NTRK3: variants seen among roughly 807,000 people sequenced by gnomAD.
NTRK3 encodes the protein neurotrophic receptor tyrosine kinase 3, also known as NT-3 growth factor receptor.
A neutral mutation model predicts 91.7 loss-of-function variants in NTRK3; 24 were observed. That is an observed-to-expected ratio of 0.26 (90% CI 0.19 to 0.37). NTRK3 has a LOEUF of 0.37. NTRK3 is among the 10% of genes least tolerant of loss of function. The pLI, the probability that NTRK3 is intolerant of heterozygous loss-of-function variation, is 1.00. For synonymous variants in NTRK3, 483 were observed against 404.0 expected (o/e 1.20, Z -2.34); for missense variants, 880 against 1,068.9 (o/e 0.82, Z 2.46).
chr15:88,101,030 C>A (rs963284736), intron 13 of NTRK3, among the ~76,000 whole-genome samples: 8 of 152,158 alleles, frequency 5.3e-5, no homozygotes, highest in African/African-American at 1.7e-4. Context: ...TCTAATTAAA[C>A]TAAAGAGCTG....
chr15:88,088,456 G>A (rs2048709553), intron 13 of NTRK3, among the ~76,000 whole-genome samples: 1 of 152,170 alleles, frequency 6.6e-6, no homozygotes, highest in South Asian at 2.1e-4. Flanking sequence ...GAGCAACAAG[G>A]AGCATGGGAA....
At chr15:87,912,932 AT>A (rs1372553466) in intron 17 of NTRK3, among the ~76,000 whole-genome samples, 401 of 7,316 alleles carry the variant, frequency 0.055, 11 homozygotes, top group Admixed American at 0.15. Context: ...GTAAAAAAAA[AT>A]ATATATATAT....
chr15:87,999,819 G>A (rs943814873), intron 14 of NTRK3, among the ~76,000 whole-genome samples: 1 of 152,150 alleles, frequency 6.6e-6, no homozygotes, highest in African/African-American at 2.4e-5. Context: ...CAAAGAGGGA[G>A]GGAGGAGGTA....
intron 13 of NTRK3, among the ~76,000 whole-genome samples, chr15:88,111,453 A>G (rs1409184679): frequency 6.6e-6 from 1 of 152,162 alleles, no homozygotes; most frequent in Non-Finnish European, 1.5e-5. Flanking sequence ...GCAGCTTATT[A>G]ACTGATAAGA....
chr15:87,904,902 C>T (rs986596692), intron 17 of NTRK3, among the ~76,000 whole-genome samples: 1 of 152,130 alleles, frequency 6.6e-6, no homozygotes. Flanking sequence ...TTTGTTTCTA[C>T]CAGAGGGAGA....
chr15:87,865,334 C>A (rs2064638060), exon 19 of NTRK3: 1 of 210,318 alleles, frequency 4.8e-6, no homozygotes, highest in Non-Finnish European at 9.7e-6. Flanking sequence ...TCACAAACAC[C>A]TGGGATTTTT....
chr15:87,920,782 G>A (rs1249192319), intron 17 of NTRK3, among the ~76,000 whole-genome samples: 10 of 152,146 alleles, frequency 6.6e-5, no homozygotes, highest in South Asian at 2.1e-4. Context: ...AGGGTGCATC[G>A]AGGGCATAGG....
At chr15:87,878,909 GTGTGTGT>G (rs2065085476) in intron 18 of NTRK3, among the ~76,000 whole-genome samples, 1 of 6,810 alleles carries the variant, frequency 1.5e-4, no homozygotes, top group Non-Finnish European at 3.9e-4. Context: ...CATGCATGGT[GTGTGTGT>G]GTGTGTGTGT....
At chr15:88,027,642 A>G (rs1006033729) in intron 14 of NTRK3, among the ~76,000 whole-genome samples, 1 of 152,126 alleles carries the variant, frequency 6.6e-6, no homozygotes, top group Non-Finnish European at 1.5e-5. Context: ...TCGGCCTCCC[A>G]AAGTGCTGGG....
chr15:88,144,989 T>G (rs2042750920), intron 6 of NTRK3, among the ~76,000 whole-genome samples: 1 of 152,158 alleles, frequency 6.6e-6, no homozygotes, highest in African/African-American at 2.4e-5. Flanking sequence ...ACTTCTGGCC[T>G]GTGGCTTTCC....
chr15:88,147,308 C>T, intron 6 of NTRK3, 27 bp downstream of exon 6: 1 of 1,607,692 alleles, frequency 6.2e-7, no homozygotes, highest in African/African-American at 1.3e-5. Flanking sequence ...ACTTCAGTAC[C>T]TGGACAGTCT....
intron 17 of NTRK3, among the ~76,000 whole-genome samples, chr15:87,922,729 T>C (rs1193009315): frequency 1.3e-5 from 2 of 152,336 alleles, no homozygotes; most frequent in African/African-American, 4.8e-5. Flanking sequence ...AGTTAGAATT[T>C]CGACATATTC....
At chr15:87,971,407 G>A (rs1036917234) in intron 14 of NTRK3, among the ~76,000 whole-genome samples, 4 of 152,232 alleles carry the variant, frequency 2.6e-5, no homozygotes, top group African/African-American at 4.8e-5. Context: ...TTACTCTCAT[G>A]TTCTCTGCCA....
intron 14 of NTRK3, among the ~76,000 whole-genome samples, chr15:87,988,703 C>T (rs2075047077): frequency 2.0e-5 from 3 of 152,066 alleles, no homozygotes; most frequent in Admixed American, 2.0e-4. Flanking sequence ...TTGCTGGACT[C>T]CCTAATTAGT....
At chr15:88,052,844 G>C (rs2045348291) in intron 13 of NTRK3, among the ~76,000 whole-genome samples, 1 of 152,108 alleles carries the variant, frequency 6.6e-6, no homozygotes, top group Admixed American at 6.5e-5. Context: ...TCACATTCCA[G>C]GTATTTTAGG....
At chr15:88,049,639 C>G (rs1020804375) in intron 13 of NTRK3, among the ~76,000 whole-genome samples, 2 of 152,196 alleles carry the variant, frequency 1.3e-5, no homozygotes, top group African/African-American at 4.8e-5. Flanking sequence ...TTATCTGAAA[C>G]TGCTGAGTTC....
chr15:88,086,514 T>A (rs886216465), intron 13 of NTRK3, among the ~76,000 whole-genome samples: 5 of 151,560 alleles, frequency 3.3e-5, no homozygotes, highest in African/African-American at 1.2e-4. Flanking sequence ...TTTATTTTAT[T>A]TTTTAAAAAC....
chr15:87,942,518 G>T (rs983796137), intron 14 of NTRK3, among the ~76,000 whole-genome samples: 1 of 152,178 alleles, frequency 6.6e-6, no homozygotes, highest in Non-Finnish European at 1.5e-5. Context: ...GGTGACTAGG[G>T]ATGACACATA....
intron 16 of NTRK3, among the ~76,000 whole-genome samples, chr15:87,932,437 A>G (rs1431951411): frequency 2.0e-5 from 3 of 152,200 alleles, no homozygotes; most frequent in Admixed American, 2.0e-4. Flanking sequence ...ATGTAAATCT[A>G]AATTTAAGTG....
Sources: gnomAD v4.1 joint callset for allele counts (sites outside exome capture counted in the v4.1 genomes callset) on GRCh38, gnomAD v4.1.1 for gene constraint, MANE v1.5 for transcripts, NCBI Gene and HGNC (gene_info 2026-07-23, HGNC 2026-07-21) for gene names.